The following CRYZL1 variants were observed in gnomAD, a reference collection of about 807,000 sequenced individuals.
CRYZL1 encodes the protein ferry endosomal RAB5 effector complex subunit 4.
A neutral mutation model predicts 50.6 loss-of-function variants in CRYZL1; 34 were observed. The observed-to-expected ratio is 0.67, with a 90% CI of 0.51 to 0.89. The LOEUF (loss-of-function observed/expected upper bound fraction) is 0.89. Ranked by LOEUF, CRYZL1 falls within the 40% of genes least tolerant of loss-of-function variation. CRYZL1 has a pLI of 0.00. For synonymous variants in CRYZL1, 125 were observed against 134.3 expected (o/e 0.93, Z 0.48); for missense variants, 354 against 402.3 (o/e 0.88, Z 1.03).
intron 6 of CRYZL1, 30 bp downstream of exon 6, chr21:33,613,508 T>G: frequency 2.2e-5 from 32 of 1,447,252 alleles, no homozygotes; most frequent in Middle Eastern, 1.7e-4. Flanking sequence ...AAGACTTATG[T>G]GAGCTCCAAA....
chr21:33,617,551 G>A (rs202206213), intron 4 of CRYZL1, among the ~76,000 whole-genome samples: 14 of 152,160 alleles, frequency 9.2e-5, no homozygotes, highest in Non-Finnish European at 1.9e-4. Context: ...GCTTCGGCAA[G>A]ACTCACGTCT....
At chr21:33,641,215 A>G in intron 1 of CRYZL1, 6 of 1,550,642 alleles carry the variant, frequency 3.9e-6, no homozygotes, top group Non-Finnish European at 4.4e-6. Context: ...TAGCATAATG[A>G]AGAGGGCCGA....
intron 8 of CRYZL1, among the ~76,000 whole-genome samples, chr21:33,599,942 T>G (rs555359069): frequency 2.0e-5 from 3 of 152,194 alleles, no homozygotes; most frequent in Admixed American, 6.5e-5. Flanking sequence ...CTAGATTAAG[T>G]AGTTTCTCAA....
intron 4 of CRYZL1, among the ~76,000 whole-genome samples, chr21:33,617,580 A>G (rs200766550): frequency 6.6e-6 from 1 of 152,140 alleles, no homozygotes; most frequent in East Asian, 1.9e-4. Context: ...TGAGCTCCCC[A>G]AGTGAGCAAT....
chr21:33,592,098 TA>T (rs2086649759), intron 11 of CRYZL1, among the ~76,000 whole-genome samples: 1 of 151,716 alleles, frequency 6.6e-6, no homozygotes, highest in Admixed American at 6.6e-5. Context: ...GTGGTTATGC[TA>T]TTTTTTTTGT....
At position 33,630,087 on chromosome 21, in the gene CRYZL1, C is replaced by T. The variant is rs553185873; in HGVS notation, c.66+1399G>A. ...TTGCATCCCTGGGATGAACACCACT[C>T]GATCATGGCCGTCAGGGAAATAGAT... is the stretch of plus-strand genomic sequence containing the variant. On this transcript the variant is annotated intron_variant, in intron 2 of 12. Coordinates refer to ENST00000381554, the MANE Select transcript of CRYZL1 (RefSeq NM_145858.3). 4.9e-4 allele frequency among the ~76,000 whole-genome samples: 75 copies of T among 152,218 alleles called. 1 individual carries two copies. The South Asian group carries it at 0.015, about 31-fold the overall frequency.
intron 2 of CRYZL1, among the ~76,000 whole-genome samples, chr21:33,629,710 G>A (rs1438954969): frequency 6.6e-6 from 1 of 152,118 alleles, no homozygotes; most frequent in Non-Finnish European, 1.5e-5. Context: ...TTTCCAATTC[G>A]AATGCTCTTT....
At position 33,591,203 on chromosome 21, in the gene CRYZL1, G is replaced by A; in HGVS notation, c.909C>T (p.Ile303=). 6.2e-7 allele frequency: 1 copy of A among 1,609,410 alleles called. No individual in the cohort carries two copies. The stretch of plus-strand genomic sequence containing the variant: ...ATAACTTCTCCATCACATCCTTTAA[G>A]ATACGTAGCTGGAAGGATTGTTAAG... ...SNVQQGKYLC[I]LKDVMEKLST... The change falls in exon 12 of 13, where the codon ATC becomes ATT. Residue 303 remains isoleucine, a synonymous_variant. Coordinates refer to ENST00000381554, the MANE Select transcript of CRYZL1 (RefSeq NM_145858.3).
At chr21:33,613,113 A>C (rs1373569060) in intron 6 of CRYZL1, among the ~76,000 whole-genome samples, 2 of 152,328 alleles carry the variant, frequency 1.3e-5, no homozygotes, top group South Asian at 2.1e-4. Context: ...GGTGTGAGCC[A>C]CCACACCTAG....
rs768263017 is a variant in CRYZL1, at chr21:33,599,255, A to C, written c.578-7T>G. 77 of 1,613,998 alleles carry C rather than the reference A, an allele frequency of 4.8e-5. No homozygotes were observed. The highest frequency in any genetic ancestry group is 6.4e-5 in the Non-Finnish European group (76 of 1,179,912). ...GATACATCAATCACTCGGGCTGTAA[A>C]GGACAGGAAATCAGGCAATTGTACT... On this transcript the variant is annotated splice_polypyrimidine_tract_variant and splice_region_variant and intron_variant, in intron 8 of 12. Coordinates refer to ENST00000381554, the MANE Select transcript of CRYZL1 (RefSeq NM_145858.3).
intron 11 of CRYZL1, among the ~76,000 whole-genome samples, chr21:33,593,788 G>A (rs1016967322): frequency 2.6e-5 from 4 of 152,000 alleles, no homozygotes; most frequent in Middle Eastern, 6.8e-3. Context: ...TTTGAGACCA[G>A]CTTGACCAAC....
At chr21:33,628,313 TATG>T (rs1205016921) in intron 2 of CRYZL1, among the ~76,000 whole-genome samples, 1 of 152,178 alleles carries the variant, frequency 6.6e-6, no homozygotes, top group Admixed American at 6.5e-5. Context: ...TGTGGTTCCA[TATG>T]ATTTTTAGGA....
chr21:33,634,901 A>ATATC (rs1471075969), intron 1 of CRYZL1, among the ~76,000 whole-genome samples: 1 of 150,110 alleles, frequency 6.7e-6, no homozygotes, highest in Admixed American at 6.6e-5. Context: ...ATATATATAT[A>ATATC]TATAAAATAA....
chr21:33,639,012 ATC>A (rs1313011877), intron 1 of CRYZL1, among the ~76,000 whole-genome samples: 2 of 152,210 alleles, frequency 1.3e-5, no homozygotes, highest in Non-Finnish European at 2.9e-5. Context: ...GTGTGGCATA[ATC>A]TCTACATCTT....
chr21:33,610,521 T>C (rs2086860220), intron 6 of CRYZL1, among the ~76,000 whole-genome samples: 2 of 152,196 alleles, frequency 1.3e-5, no homozygotes, highest in African/African-American at 2.4e-5. Flanking sequence ...TTGTTTTCTC[T>C]ATATACTTTA....
intron 1 of CRYZL1, among the ~76,000 whole-genome samples, chr21:33,632,202 C>G (rs1319229140): frequency 6.7e-6 from 1 of 148,786 alleles, no homozygotes; most frequent in African/African-American, 2.5e-5. Flanking sequence ...TGTGGCGGTG[C>G]GTGCCTGTAA....
At chr21:33,592,008 C>G (rs1019304108) in intron 11 of CRYZL1, among the ~76,000 whole-genome samples, 4 of 151,504 alleles carry the variant, frequency 2.6e-5, no homozygotes, top group African/African-American at 9.7e-5. Context: ...TTGCATATAA[C>G]CGAGGCACAT....
intron 2 of CRYZL1, among the ~76,000 whole-genome samples, chr21:33,628,641 G>A (rs1307106001): frequency 5.6e-5 from 8 of 142,474 alleles, no homozygotes; most frequent in African/African-American, 1.6e-4. Flanking sequence ...TTGCCCTGTC[G>A]CCCAGACTGG....
At chr21:33,621,306 C>CAA (rs201524236) in intron 4 of CRYZL1, among the ~76,000 whole-genome samples, 1 of 133,394 alleles carries the variant, frequency 7.5e-6, no homozygotes, top group Admixed American at 7.5e-5. Context: ...GCTGATGAAC[C>CAA]AAAAAAAAAA....
Sources: gnomAD v4.1 joint callset for allele counts (sites outside exome capture counted in the v4.1 genomes callset) on GRCh38, gnomAD v4.1.1 for gene constraint, MANE v1.5 for transcripts, NCBI Gene and HGNC (gene_info 2026-07-23, HGNC 2026-07-21) for gene names.